Variants in PPARGC1A observed in about 807,000 individuals in gnomAD.
The protein encoded by PPARGC1A is PPARG coactivator 1 alpha.
A neutral mutation model predicts 88.7 loss-of-function variants in PPARGC1A; 25 were observed. The observed-to-expected ratio is 0.28, with a 90% confidence interval of 0.21 to 0.39. The LOEUF is 0.39. PPARGC1A is among the 10% of genes least tolerant of loss of function. The pLI is 1.00. For missense variants in PPARGC1A, 880 were observed against 968.7 expected, an observed-to-expected ratio of 0.91 and a Z score of 1.22; for synonymous variants, 363 against 355.6, an observed-to-expected ratio of 1.02 and a Z score of -0.24.
the PPARGC1A span, among the ~76,000 whole-genome samples, chr4:24,121,693 C>T: frequency 6.6e-6 from 1 of 152,212 alleles, no homozygotes; most frequent in African/African-American, 2.4e-5. Flanking sequence ...CTCCTCTCTG[C>T]AGCCTTACGT....
the PPARGC1A span, among the ~76,000 whole-genome samples, chr4:24,002,095 C>CAG: frequency 3.8e-3 from 442 of 116,864 alleles, no homozygotes; most frequent in Middle Eastern, 0.014. Flanking sequence ...CACACACACA[C>CAG]ACAGAGAGAG....
At chr4:24,115,691 A>G in the PPARGC1A span, among the ~76,000 whole-genome samples, 1 of 152,186 alleles carries the variant, frequency 6.6e-6, no homozygotes, top group African/African-American at 2.4e-5. Context: ...TCGTTTTCAT[A>G]TATCAACGAC....
the PPARGC1A span, among the ~76,000 whole-genome samples, chr4:24,238,885 AT>A: frequency 4.2e-4 from 63 of 151,298 alleles, no homozygotes; most frequent in Admixed American, 4.2e-3. Flanking sequence ...AGTGTATCTG[AT>A]TACCGATTCC....
At chr4:23,895,292 A>G (rs1291767957) in intron 1 of PPARGC1A, among the ~76,000 whole-genome samples, 10 of 151,582 alleles carry the variant, frequency 6.6e-5, no homozygotes, top group Non-Finnish European at 2.9e-5. Flanking sequence ...AGTCTCAAAA[A>G]GGTAACAATA....
intron 7 of PPARGC1A, among the ~76,000 whole-genome samples, chr4:23,818,542 T>C (rs961729048): frequency 3.9e-5 from 6 of 152,148 alleles, no homozygotes; most frequent in Non-Finnish European, 8.8e-5. Context: ...GCAATATTTA[T>C]GATTACTGCA....
the PPARGC1A span, among the ~76,000 whole-genome samples, chr4:24,442,254 T>C: frequency 6.6e-6 from 1 of 152,226 alleles, no homozygotes. Flanking sequence ...TATTTTTATC[T>C]TGTATTATAT....
the PPARGC1A span, among the ~76,000 whole-genome samples, chr4:23,958,314 T>C: frequency 2.0e-5 from 3 of 152,252 alleles, no homozygotes; most frequent in South Asian, 4.1e-4. Flanking sequence ...TTTGAAATCC[T>C]TATTAGATGT....
intron 7 of PPARGC1A, among the ~76,000 whole-genome samples, chr4:23,818,372 T>C (rs1358771709): frequency 6.6e-6 from 1 of 152,140 alleles, no homozygotes; most frequent in African/African-American, 2.4e-5. Flanking sequence ...TAATTCAGAC[T>C]ATAGCTTTTT....
At chr4:23,889,576 G>C (rs2148851930) in intron 1 of PPARGC1A, among the ~76,000 whole-genome samples, 1 of 152,230 alleles carries the variant, frequency 6.6e-6, no homozygotes, top group South Asian at 2.1e-4. Flanking sequence ...CCACTGGAAA[G>C]ACTTCAGCTT....
the PPARGC1A span, among the ~76,000 whole-genome samples, chr4:24,434,134 G>T: frequency 1.3e-5 from 2 of 152,218 alleles, no homozygotes; most frequent in African/African-American, 2.4e-5. Context: ...AAGGAAAGAA[G>T]GAAGCATTTA....
chr4:24,267,566 C>T, the PPARGC1A span, among the ~76,000 whole-genome samples: 1 of 152,190 alleles, frequency 6.6e-6, no homozygotes, highest in African/African-American at 2.4e-5. Context: ...GTTTCAGCCT[C>T]AATTCATGCC....
the PPARGC1A span, among the ~76,000 whole-genome samples, chr4:24,199,987 T>C: frequency 6.6e-6 from 1 of 152,066 alleles, no homozygotes; most frequent in African/African-American, 2.4e-5. Flanking sequence ...AACACGAGAA[T>C]AGGAATCTAT....
chr4:24,407,388 C>A, the PPARGC1A span, among the ~76,000 whole-genome samples: 1 of 152,288 alleles, frequency 6.6e-6, no homozygotes, highest in Non-Finnish European at 1.5e-5. Flanking sequence ...ACAGAGGTAG[C>A]AGGCCACACC....
At chr4:24,188,506 G>A in the PPARGC1A span, among the ~76,000 whole-genome samples, 1 of 152,118 alleles carries the variant, frequency 6.6e-6, no homozygotes, top group East Asian at 1.9e-4. Context: ...AACAGGGATG[G>A]TCCTGGGGGA....
At chr4:24,466,185 G>A in the PPARGC1A span, among the ~76,000 whole-genome samples, 1 of 152,138 alleles carries the variant, frequency 6.6e-6, no homozygotes, top group Admixed American at 6.5e-5. Context: ...AGGTAGTTAT[G>A]GTTGATTCCA....
At chr4:24,008,629 T>A in the PPARGC1A span, among the ~76,000 whole-genome samples, 9 of 152,150 alleles carry the variant, frequency 5.9e-5, no homozygotes, top group African/African-American at 1.9e-4. Flanking sequence ...ATAGAGTAAC[T>A]GCTATCTCTA....
chr4:24,063,671 A>G, the PPARGC1A span, among the ~76,000 whole-genome samples: 16 of 152,188 alleles, frequency 1.1e-4, no homozygotes, highest in African/African-American at 3.9e-4. Context: ...ATCAAATTCA[A>G]TGAGAAAGAG....
the PPARGC1A span, among the ~76,000 whole-genome samples, chr4:24,271,315 T>C: frequency 5.1e-5 from 7 of 137,994 alleles, no homozygotes; most frequent in East Asian, 1.4e-3. Flanking sequence ...GCGGACTGAG[T>C]TCCCTCTGCA....
chr4:23,989,035 C>A, the PPARGC1A span, among the ~76,000 whole-genome samples: 9 of 149,922 alleles, frequency 6.0e-5, no homozygotes, highest in Admixed American at 3.4e-4. Context: ...CATCCTTGAC[C>A]TCTAGGGAAC....
Sources: allele counts gnomAD v4.1 joint callset (sites outside exome capture counted in the v4.1 genomes callset), GRCh38; gene constraint gnomAD v4.1.1; transcripts MANE v1.5; gene names NCBI Gene and HGNC (gene_info 2026-07-23, HGNC 2026-07-21).